PPP6R2: variants seen among roughly 807,000 people sequenced by gnomAD.
PPP6R2 encodes serine/threonine-protein phosphatase 6 regulatory subunit 2.
In PPP6R2, 62 loss-of-function variants were observed where a neutral mutation model predicts 100.2. The observed-to-expected ratio is 0.62, with a 90% CI of 0.50 to 0.76. The LOEUF (loss-of-function observed/expected upper bound fraction) is 0.76, where lower values mean the gene tolerates loss of function less well. Among genes scored for constraint, PPP6R2 ranks in the 30% least tolerant of loss-of-function variants. The pLI is 0.00. For missense variants in PPP6R2, 1,142 were observed against 1,276.3 expected, an observed-to-expected ratio of 0.89 and a Z score of 1.60; for synonymous variants, 525 against 514.7, an observed-to-expected ratio of 1.02 and a Z score of -0.27.
At chr22:50,334,828 G>A in the PPP6R2 span, among the ~76,000 whole-genome samples, 2 of 152,042 alleles carry the variant, frequency 1.3e-5, no homozygotes, top group Admixed American at 6.6e-5. Flanking sequence ...TTAGCTGGGT[G>A]TGGTGTCGCG....
At chr22:50,333,676 G>A in the PPP6R2 span, among the ~76,000 whole-genome samples, 8 of 152,142 alleles carry the variant, frequency 5.3e-5, no homozygotes, top group Non-Finnish European at 1.0e-4. Context: ...TTTTGTGTAG[G>A]GTCCAGCCCT....
intron 4 of PPP6R2, among the ~76,000 whole-genome samples, chr22:50,408,720 G>A (rs893870970): frequency 3.9e-5 from 6 of 152,122 alleles, no homozygotes; most frequent in South Asian, 4.1e-4. Flanking sequence ...TGCCACTTTC[G>A]GATATTTTCT....
rs747009587 is a variant in PPP6R2, at chr22:50,414,530, T to G, written c.415-22T>G. The G allele has an allele frequency of 5.6e-6, 9 of 1,613,496 alleles. No individual in the cohort carries two copies. In the East Asian group the frequency reaches 2.0e-4, roughly 36 times the overall value. On this transcript the variant is annotated intron_variant, in intron 4 of 23. Coordinates refer to ENST00000612753, the MANE Select transcript of PPP6R2 (RefSeq NM_001242898.2). ...GTTGTCAGGGTCGGCCCCGCCTGCCTCTCAGGTGTGTGTGATTTCAGGTGA... is the reference window on the plus strand; with the variant it reads ...GTTGTCAGGGTCGGCCCCGCCTGCCGCTCAGGTGTGTGTGATTTCAGGTGA...
intron 1 of PPP6R2, among the ~76,000 whole-genome samples, chr22:50,349,590 C>T (rs2044548147): frequency 6.6e-6 from 1 of 152,024 alleles, no homozygotes; most frequent in Non-Finnish European, 1.5e-5. Context: ...GTTTGGGAGG[C>T]TGAGGCAGGT....
intron 1 of PPP6R2, among the ~76,000 whole-genome samples, chr22:50,362,913 C>T (rs918657095): frequency 4.6e-5 from 7 of 152,110 alleles, no homozygotes; most frequent in East Asian, 1.9e-4. Context: ...GTATTCTGGC[C>T]GCCTAAGCAT....
intron 8 of PPP6R2, 124 bp from the exon 9 acceptor site, chr22:50,422,130 T>C: frequency 7.7e-7 from 1 of 1,291,638 alleles, no homozygotes; most frequent in Admixed American, 2.2e-5. Context: ...GCTGCACTGC[T>C]CTAGGGTTTC....
intron 10 of PPP6R2, among the ~76,000 whole-genome samples, chr22:50,428,965 C>A (rs2062668094): frequency 6.6e-6 from 1 of 152,052 alleles, no homozygotes; most frequent in South Asian, 2.1e-4. Flanking sequence ...TTCATAGGTG[C>A]CTTTATCATA....
chr22:50,422,440 C>G lies in PPP6R2; in HGVS notation c.972+60C>G. On this transcript the variant is annotated intron_variant, in intron 9 of 23. Transcript: ENST00000612753. ...AGGCGTCGCAGGAGAGGTTGATTTG[C>G]AGGGAGGAGAAGCCACAGCTTGTCC... 2.5e-6 allele frequency: 4 copies of G among 1,591,834 alleles called. No homozygotes were observed. The South Asian group carries it at 4.5e-5, about 18-fold the overall frequency.
chr22:50,340,268 TGTG>T (rs2042357673), upstream of PPP6R2, among the ~76,000 whole-genome samples: 1 of 129,688 alleles, frequency 7.7e-6, no homozygotes, highest in Non-Finnish European at 1.6e-5. Flanking sequence ...GTGTGTGTGG[TGTG>T]TGTGGTATGT....
chr22:50,353,997 A>G (rs1371409689), intron 1 of PPP6R2, among the ~76,000 whole-genome samples: 1 of 152,128 alleles, frequency 6.6e-6, no homozygotes, highest in African/African-American at 2.4e-5. Flanking sequence ...TTCCAATACA[A>G]TTTTATTTAG....
chr22:50,404,688 C>CT (rs57912545), intron 3 of PPP6R2, among the ~76,000 whole-genome samples: 50,789 of 150,026 alleles, frequency 0.34, 9,464 homozygotes, highest in East Asian at 0.74. Flanking sequence ...ATCCACCTGC[C>CT]CACCCTCCCA....
At chr22:50,396,913 T>A (rs969936845) in intron 3 of PPP6R2, among the ~76,000 whole-genome samples, 22 of 152,164 alleles carry the variant, frequency 1.4e-4, no homozygotes, top group African/African-American at 5.1e-4. Flanking sequence ...TGGTCACACC[T>A]GCTGTGTCAG....
At chr22:50,399,758 G>A (rs564670900) in intron 3 of PPP6R2, among the ~76,000 whole-genome samples, 6 of 152,384 alleles carry the variant, frequency 3.9e-5, no homozygotes, top group Admixed American at 2.6e-4. Flanking sequence ...CTGCTTCTGC[G>A]GAGCAGCCCT....
intron 3 of PPP6R2, among the ~76,000 whole-genome samples, chr22:50,395,009 T>C (rs1231980425): frequency 6.6e-6 from 1 of 151,990 alleles, no homozygotes; most frequent in Non-Finnish European, 1.5e-5. Context: ...GTCAGAGTGT[T>C]TTGAGTGGCA....
upstream of PPP6R2, among the ~76,000 whole-genome samples, chr22:50,340,374 G>A (rs2042358742): frequency 7.3e-6 from 1 of 137,188 alleles, no homozygotes; most frequent in African/African-American, 2.8e-5. Flanking sequence ...TGTGTGGTAT[G>A]TGGTGTGTAT....
chr22:50,422,102 G>A (rs966605005), intron 8 of PPP6R2, 152 bp from the exon 9 acceptor site: 41 of 888,242 alleles, frequency 4.6e-5, no homozygotes, highest in African/African-American at 1.5e-4. Context: ...ACCAGATCAC[G>A]TGTGGAGACG....
At chr22:50,338,016 G>A in the PPP6R2 span, among the ~76,000 whole-genome samples, 1 of 141,392 alleles carries the variant, frequency 7.1e-6, no homozygotes, top group Non-Finnish European at 1.6e-5. Flanking sequence ...TAGTGTGTGT[G>A]GGGGGTATGT....
intron 1 of PPP6R2, among the ~76,000 whole-genome samples, chr22:50,351,914 C>T (rs2045371313): frequency 6.6e-6 from 1 of 152,180 alleles, no homozygotes; most frequent in African/African-American, 2.4e-5. Flanking sequence ...CTGCCTCAGC[C>T]TCCCCAGCAG....
chr22:50,335,218 ATT>A, the PPP6R2 span, among the ~76,000 whole-genome samples: 7,429 of 101,604 alleles, frequency 0.073, 469 homozygotes, highest in African/African-American at 0.16. Context: ...CACCCGGCTA[ATT>A]TTTTTTTTTT....
Sources: gnomAD v4.1 joint callset for allele counts (sites outside exome capture counted in the v4.1 genomes callset) on GRCh38, gnomAD v4.1.1 for gene constraint, MANE v1.5 for transcripts, NCBI Gene and HGNC (gene_info 2026-07-23, HGNC 2026-07-21) for gene names.